The following PRMT9 variants were observed in gnomAD, a reference collection of about 807,000 sequenced individuals.
PRMT9 encodes protein arginine methyltransferase 9.
In PRMT9, 59 loss-of-function variants were observed where a neutral mutation model predicts 83.2. The ratio of observed to expected loss-of-function variants is 0.71; its 90% CI spans 0.57 to 0.88. The LOEUF (loss-of-function observed/expected upper bound fraction) is 0.88. Ranked by LOEUF, PRMT9 falls within the 40% of genes least tolerant of loss-of-function variation. The pLI is 0.00. For missense variants in PRMT9, 947 were observed against 1,021.9 expected (o/e 0.93, Z 1.00); for synonymous variants, 333 against 353.2 (o/e 0.94, Z 0.64).
At chr4:147,673,897 A>G (rs1274053794) in intron 2 of PRMT9, 23 bp from the exon 3 acceptor site, 11 of 1,571,348 alleles carry the variant, frequency 7.0e-6, no homozygotes, top group Non-Finnish European at 9.6e-6. Context: ...ATGACAAAAG[A>G]CAAAATATAT....
chr4:147,645,356 AC>A (rs1333992044), intron 9 of PRMT9, among the ~76,000 whole-genome samples: 7 of 152,238 alleles, frequency 4.6e-5, no homozygotes, highest in African/African-American at 1.7e-4. Context: ...AGACATGGCA[AC>A]TAAATGCAAT....
chr4:147,658,069 C>T (rs1734662684), intron 7 of PRMT9, 94 bp from the exon 8 acceptor site: 5 of 855,122 alleles, frequency 5.8e-6, no homozygotes, highest in African/African-American at 5.0e-5. Context: ...AGTTCTTAGT[C>T]CTGCCCAGCT....
At chr4:147,645,781 G>A (rs1733687618) in intron 9 of PRMT9, among the ~76,000 whole-genome samples, 1 of 152,216 alleles carries the variant, frequency 6.6e-6, no homozygotes, top group Non-Finnish European at 1.5e-5. Context: ...CAGCCGTGAT[G>A]TGAGGAGCAC....
chr4:147,665,346 G>C (rs1735257460), intron 6 of PRMT9, among the ~76,000 whole-genome samples: 1 of 152,060 alleles, frequency 6.6e-6, no homozygotes, highest in South Asian at 2.1e-4. Flanking sequence ...GTAAGGACGA[G>C]CTGTACTTTT....
In PRMT9 at chr4:147,673,063, A is replaced by G. The variant is rs368704175; in HGVS notation, c.639T>C (p.Tyr213=). The G allele has an allele frequency of 6.2e-7, 1 of 1,613,924 alleles. No homozygotes were observed. Residue 213 remains tyrosine (Y), a synonymous_variant, in exon 4 of 12, where the codon TAT becomes TAC. Transcript: ENST00000322396. The part of the protein sequence containing the change: ...VYACELSKTM[Y]ELACDVVAAN... ...CTGCCACGACATCACAGGCAAGTTC[A>G]TACATGGTCTTGGATAACTCACAGG...
chr4:147,677,972 A>G (rs1264680420), intron 2 of PRMT9, among the ~76,000 whole-genome samples: 1 of 151,958 alleles, frequency 6.6e-6, no homozygotes, highest in East Asian at 1.9e-4. Flanking sequence ...ATAAAACATT[A>G]TTTCTCCACA....
intron 7 of PRMT9, among the ~76,000 whole-genome samples, chr4:147,660,527 G>A (rs896542535): frequency 1.3e-5 from 2 of 152,182 alleles, no homozygotes; most frequent in Admixed American, 1.3e-4. Flanking sequence ...CTACTTGGGG[G>A]ACTGAGGCAG....
At chr4:147,661,131 A>C in intron 6 of PRMT9, 93 bp from the exon 7 acceptor site, 2 of 810,106 alleles carry the variant, frequency 2.5e-6, no homozygotes, top group Non-Finnish European at 4.3e-6. Flanking sequence ...AAAATACAAA[A>C]ATGAAATAAA....
chr4:147,642,997 C>A, intron 9 of PRMT9, 57 bp from the exon 10 acceptor site: 2 of 1,526,240 alleles, frequency 1.3e-6, no homozygotes, highest in Non-Finnish European at 1.8e-6. Context: ...CAGTGGCTCA[C>A]GCCTGTAATC....
At position 147,654,249 on chromosome 4, in the gene PRMT9, G is replaced by A; in HGVS notation, c.1648C>T (p.Pro550Ser). The A allele has an allele frequency of 1.2e-6, 2 of 1,614,140 alleles. No homozygotes were observed. The highest frequency in any genetic ancestry group is 1.7e-6 in the Non-Finnish European group (2 of 1,180,004). Residue 550 changes from proline (P) to serine (S), a missense_variant, in exon 9 of 12, where the codon CCA becomes TCA. Coordinates refer to ENST00000322396, the MANE Select transcript of PRMT9 (RefSeq NM_138364.4). ...AMSKVLSSLT[P>S]EKLYQTMDTH... ...TCCATGGTCTGATACAGTTTCTCTG[G>A]AGTCAGTGAAGACAAAACTTTGCTC...
intron 1 of PRMT9, among the ~76,000 whole-genome samples, chr4:147,682,279 A>T (rs1578949690): frequency 6.6e-6 from 1 of 152,066 alleles, no homozygotes; most frequent in East Asian, 1.9e-4. Context: ...TCCCAGGTTC[A>T]AGCAATTCTC....
Position 147,684,132 on chromosome 4 carries a change from C to G in PRMT9, c.-145G>C. 1.0e-6 allele frequency: 1 copy of G among 960,156 alleles called. No individual in the cohort carries two copies. Among genetic ancestry groups the G allele is most frequent in the Admixed American group, 2.0e-5 (1 of 48,868 alleles). 59.5% of individuals were successfully genotyped at this position (960,156 alleles called of 1,614,324 possible). A position where few individuals can be genotyped will look rare whatever the true frequency, so the allele number is the denominator to read the frequency against. On this transcript the variant is annotated 5_prime_UTR_variant, in exon 1 of 12. Transcript: ENST00000322396. ...CCTCCGCCGCGGGTGAACTCGCCAA[C>G]CCCAGCCCAGGCGGAAGCTCCGCCC...
In PRMT9 at chr4:147,668,723, A is replaced by G. The variant is rs1326219321; in HGVS notation, c.847-78T>C. On this transcript the variant is annotated intron_variant, in intron 5 of 11. Transcript: ENST00000322396. ...GTGCATAATGATAAGCTATGAAAAT[A>G]TAATTTAAAAAACCTAAAAAGACAA... is the stretch of plus-strand genomic sequence containing the variant. 5 of 868,176 alleles carry G rather than the reference A, an allele frequency of 5.8e-6. 1 individual carries two copies. The Middle Eastern group carries it at 1.1e-3, about 190-fold the overall frequency. 53.8% of individuals were successfully genotyped at this position (868,176 alleles called of 1,614,324 possible). A position where few individuals can be genotyped will look rare whatever the true frequency, so the allele number is the denominator to read the frequency against.
At chr4:147,646,661 GA>G (rs1388297661) in intron 9 of PRMT9, among the ~76,000 whole-genome samples, 26 of 149,722 alleles carry the variant, frequency 1.7e-4, no homozygotes, top group African/African-American at 2.7e-4. Context: ...GTGGGCTGGG[GA>G]GGGGGGGGAG....
chr4:147,665,867 ATTTG>A (rs1735295261), intron 6 of PRMT9, among the ~76,000 whole-genome samples: 2 of 152,336 alleles, frequency 1.3e-5, no homozygotes, highest in East Asian at 1.9e-4. Context: ...CATTCAGATA[ATTTG>A]TTTGCTTTGA....
chr4:147,657,586 G>A (rs1734606144), intron 8 of PRMT9, among the ~76,000 whole-genome samples: 1 of 151,380 alleles, frequency 6.6e-6, no homozygotes, highest in Non-Finnish European at 1.5e-5. Context: ...TTTTTCAAAT[G>A]CTATGCAACA....
intron 2 of PRMT9, among the ~76,000 whole-genome samples, chr4:147,676,901 G>A (rs558119919): frequency 1.1e-4 from 17 of 151,992 alleles, no homozygotes; most frequent in African/African-American, 3.4e-4. Flanking sequence ...AAAATTAGCC[G>A]GGCGTGGTGG....
chr4:147,652,411 C>T (rs1314951038), intron 9 of PRMT9, among the ~76,000 whole-genome samples: 7 of 151,860 alleles, frequency 4.6e-5, no homozygotes, highest in South Asian at 2.1e-4. Context: ...GAGATCACGC[C>T]GCTGCACTCC....
chr4:147,678,049 G>A (rs1736205451), intron 2 of PRMT9, among the ~76,000 whole-genome samples: 1 of 152,088 alleles, frequency 6.6e-6, no homozygotes, highest in South Asian at 2.1e-4. Context: ...ACTGTACAGA[G>A]TACATACACT....
Sources: gnomAD v4.1 joint callset for allele counts (sites outside exome capture counted in the v4.1 genomes callset) on GRCh38, gnomAD v4.1.1 for gene constraint, MANE v1.5 for transcripts, NCBI Gene and HGNC (gene_info 2026-07-23, HGNC 2026-07-21) for gene names.